STEAP1B: variants seen among roughly 807,000 people sequenced by gnomAD.
STEAP1B encodes STEAP family member 1B, also known as STEAP family protein MGC87042.
In STEAP1B, 13 loss-of-function variants were observed where a neutral mutation model predicts 27.9. The ratio of observed to expected loss-of-function variants is 0.47; its 90% CI spans 0.30 to 0.74. The LOEUF is 0.74. STEAP1B is among the 30% of genes least tolerant of loss of function. The pLI is 0.06. For missense variants in STEAP1B, 250 were observed against 298.7 expected, an observed-to-expected ratio of 0.84 and a Z score of 1.20; for synonymous variants, 86 against 107.1, an observed-to-expected ratio of 0.80 and a Z score of 1.22.
intron 4 of STEAP1B, among the ~76,000 whole-genome samples, chr7:22,487,571 C>CTG (rs68062162): frequency 2.7e-5 from 4 of 147,804 alleles, no homozygotes; most frequent in African/African-American, 7.5e-5. Context: ...ATGGCGGGGG[C>CTG]GGGGGGGTGC....
chr7:22,456,972 A>ATATATATATATATTTTTTTTTTT, intron 4 of STEAP1B, among the ~76,000 whole-genome samples: 30 of 57,038 alleles, frequency 5.3e-4, no homozygotes, highest in Non-Finnish European at 8.9e-4. Flanking sequence ...ATATATATAT[A>ATATATATATATATTTTTTTTTTT]TTTTTTTTTT....
At chr7:22,460,599 C>G (rs545674955) in intron 4 of STEAP1B, among the ~76,000 whole-genome samples, 16 of 152,248 alleles carry the variant, frequency 1.1e-4, no homozygotes, top group African/African-American at 3.4e-4. Context: ...GGGGCAGGAG[C>G]TCTTAAGAGC....
At chr7:22,449,966 T>A (rs997577087) in intron 4 of STEAP1B, among the ~76,000 whole-genome samples, 8 of 152,344 alleles carry the variant, frequency 5.3e-5, no homozygotes, top group Admixed American at 1.3e-4. Context: ...TATTCAGATC[T>A]TTTGCCCATT....
rs554657583 is a variant in STEAP1B at position 22,449,341 on chromosome 7, C to T, written c.763-29505G>A. ...TAACCATCCTTCTACACTCTATCTC[C>T]ATGAGTTCAATTGTTTTGATTTTCA... On this transcript the variant is annotated intron_variant, in intron 4 of 4. Transcript: ENST00000678116. Among the ~76,000 whole-genome samples, 10 of 152,302 alleles carry T rather than the reference C, an allele frequency of 6.6e-5. No homozygotes were observed. The South Asian group carries it at 2.1e-3, about 32-fold the overall frequency.
intron 1 of STEAP1B, among the ~76,000 whole-genome samples, chr7:22,495,864 A>G (rs1786431030): frequency 2.6e-5 from 4 of 152,224 alleles, no homozygotes; most frequent in African/African-American, 9.6e-5. Flanking sequence ...GTGGTCCCAT[A>G]AGAGTATAAT....
chr7:22,425,208 G>A (rs564068988), intron 4 of STEAP1B, among the ~76,000 whole-genome samples: 1 of 152,208 alleles, frequency 6.6e-6, no homozygotes, highest in Admixed American at 6.5e-5. Flanking sequence ...GATTTGGTAT[G>A]ATACATTAAA....
chr7:22,488,559 C>T (rs898810015), intron 4 of STEAP1B, among the ~76,000 whole-genome samples: 2 of 152,204 alleles, frequency 1.3e-5, no homozygotes, highest in African/African-American at 4.8e-5. Context: ...AAAAAGTCAA[C>T]TCTGAAATGC....
chr7:22,432,296 T>C (rs1302964950), intron 4 of STEAP1B, among the ~76,000 whole-genome samples: 1 of 151,930 alleles, frequency 6.6e-6, no homozygotes, highest in Non-Finnish European at 1.5e-5. Flanking sequence ...CCCAGTGCTT[T>C]GGGAGGCTGA....
At chr7:22,473,997 A>G (rs1256578560) in intron 4 of STEAP1B, among the ~76,000 whole-genome samples, 1 of 152,216 alleles carries the variant, frequency 6.6e-6, no homozygotes, top group Non-Finnish European at 1.5e-5. Flanking sequence ...GTCACCAAAC[A>G]TGACTTTGTT....
intron 4 of STEAP1B, among the ~76,000 whole-genome samples, chr7:22,460,408 G>A (rs1338116841): frequency 6.6e-6 from 1 of 151,922 alleles, no homozygotes; most frequent in African/African-American, 2.4e-5. Flanking sequence ...ATTCAAGGAA[G>A]GACAAATTTG....
Position 22,446,065 on chromosome 7 carries a change from G to A in STEAP1B, c.763-26229C>T, listed in dbSNP as rs187581536. 3.6e-4 allele frequency among the ~76,000 whole-genome samples: 55 copies of A among 152,366 alleles called. 1 individual carries two copies. The highest frequency in any genetic ancestry group is 2.9e-3 in the Admixed American group (44 of 15,310). ...AAGCAAGTCACAGCAGCAGCTAATG[G>A]TCAACTGTAAATGCAGTTCTGCTGT... is the stretch of plus-strand genomic sequence containing the variant. On this transcript the variant is annotated intron_variant, in intron 4 of 4. Transcript: ENST00000678116.
chr7:22,432,441 T>C (rs1785200325), intron 4 of STEAP1B, among the ~76,000 whole-genome samples: 1 of 151,900 alleles, frequency 6.6e-6, no homozygotes, highest in African/African-American at 2.4e-5. Flanking sequence ...CCAGCTGTAG[T>C]GGCATACACT....
At chr7:22,456,010 G>T (rs1000581752) in intron 4 of STEAP1B, among the ~76,000 whole-genome samples, 8 of 152,216 alleles carry the variant, frequency 5.3e-5, no homozygotes, top group African/African-American at 1.9e-4. Context: ...AGCTGGGCCT[G>T]GTGGTGAGCG....
At chr7:22,499,237 C>A (rs1018599175) in intron 1 of STEAP1B, among the ~76,000 whole-genome samples, 1 of 152,246 alleles carries the variant, frequency 6.6e-6, no homozygotes, top group Admixed American at 6.5e-5. Context: ...CACAGCCCAA[C>A]TGACTCATGT....
chr7:22,492,319 C>CAAAAAAAAAAAAAAAAAAAAAAAAAAA (rs56679156), intron 4 of STEAP1B: 2 of 54,398 alleles, frequency 3.7e-5, no homozygotes, highest in Non-Finnish European at 5.7e-5. Context: ...ACTTCATCTC[C>CAAAAAAAAAAAAAAAAAAAAAAAAAAA]AAAAAAAAAA....
intron 4 of STEAP1B, among the ~76,000 whole-genome samples, chr7:22,435,979 C>CT (rs1245403932): frequency 6.6e-6 from 1 of 152,208 alleles, no homozygotes; most frequent in Admixed American, 6.5e-5. Flanking sequence ...GTGGACCCGC[C>CT]TGGCATGCCC....
intron 4 of STEAP1B, among the ~76,000 whole-genome samples, chr7:22,487,778 C>T (rs796501520): frequency 2.4e-4 from 32 of 133,744 alleles, no homozygotes; most frequent in African/African-American, 9.1e-4. Flanking sequence ...GCACTCCAGC[C>T]TAGGCAACAA....
intron 1 of STEAP1B, among the ~76,000 whole-genome samples, chr7:22,495,944 CCTT>C (rs1292488551): frequency 6.6e-6 from 1 of 152,118 alleles, no homozygotes; most frequent in East Asian, 1.9e-4. Context: ...GAAGTGTACT[CCTT>C]CTACTTACAA....
chr7:22,492,319 CAAAAAAAAAAAAAAA>C lies in STEAP1B; in HGVS notation c.762+231_762+245del, dbSNP rs56679156. The C allele has an allele frequency of 1.4e-3, 78 of 54,814 alleles. 3 individuals are homozygous for C. The highest frequency in any genetic ancestry group is 2.6e-3 in the Admixed American group (7 of 2,702). The allele number at this position is 54,814 out of a possible 1,614,324, so 3.4% of individuals were successfully genotyped here. On this transcript the variant is annotated intron_variant, in intron 4 of 4. Coordinates refer to ENST00000678116, the MANE Select transcript of STEAP1B (RefSeq NM_001382447.1). ...GGGCAACAGAGCGAGACTTCATCTCCAAAAAAAAAAAAAAAAAAAAAAAAAAAAGGATATTTTAAT... is the reference window on the plus strand; with the variant it reads ...GGGCAACAGAGCGAGACTTCATCTCCAAAAAAAAAAAAAGGATATTTTAAT...
Sources: gnomAD v4.1 joint callset for allele counts (sites outside exome capture counted in the v4.1 genomes callset) on GRCh38, gnomAD v4.1.1 for gene constraint, MANE v1.5 for transcripts, NCBI Gene and HGNC (gene_info 2026-07-23, HGNC 2026-07-21) for gene names.